The following ANO1 variants were observed in gnomAD, a reference collection of about 807,000 sequenced individuals.
ANO1 encodes the protein anoctamin 1, also known as anoctamin-1.
Under a neutral mutation model 124.0 loss-of-function variants are expected in ANO1, and 59 were observed. That is an observed-to-expected ratio of 0.48 (90% CI 0.39 to 0.59). ANO1 has a LOEUF of 0.59. Among genes scored for constraint, ANO1 ranks in the 20% least tolerant of loss-of-function variants. The pLI, the probability that ANO1 is intolerant of heterozygous loss-of-function variation, is 0.00. For synonymous variants in ANO1, 529 were observed against 532.0 expected, an observed-to-expected ratio of 0.99 and a Z score of 0.08; for missense variants, 1,059 against 1,328.0, an observed-to-expected ratio of 0.80 and a Z score of 3.15.
chr11:69,996,124 A>T (rs1358588807), intron 1 of ANO1, among the ~76,000 whole-genome samples: 1 of 147,402 alleles, frequency 6.8e-6, no homozygotes, highest in East Asian at 2.0e-4. Flanking sequence ...AAACCAACCA[A>T]CCAATAAAAA....
At chr11:70,162,138 G>A (rs1395093087) in intron 18 of ANO1, among the ~76,000 whole-genome samples, 4 of 149,350 alleles carry the variant, frequency 2.7e-5, no homozygotes, top group Non-Finnish European at 5.9e-5. Context: ...GGGCAGAGAG[G>A]ACCTCGGGCA....
chr11:70,148,137 C>T (rs932172076), intron 11 of ANO1, among the ~76,000 whole-genome samples: 2 of 152,168 alleles, frequency 1.3e-5, no homozygotes, highest in Non-Finnish European at 2.9e-5. Flanking sequence ...TCTTTCCTGC[C>T]ACACGCTGCC....
chr11:70,051,969 G>A (rs1857354828), intron 1 of ANO1, among the ~76,000 whole-genome samples: 1 of 152,216 alleles, frequency 6.6e-6, no homozygotes, highest in African/African-American at 2.4e-5. Context: ...TGCATCCTAA[G>A]GTCATGAAGG....
chr11:70,003,645 G>A (rs1856429334), intron 1 of ANO1, among the ~76,000 whole-genome samples: 2 of 151,462 alleles, frequency 1.3e-5, no homozygotes, highest in Non-Finnish European at 2.9e-5. Context: ...ATGGATGGAT[G>A]GATAAATGGG....
intron 1 of ANO1, among the ~76,000 whole-genome samples, chr11:69,995,560 T>C (rs539216707): frequency 3.5e-4 from 53 of 152,294 alleles, no homozygotes; most frequent in African/African-American, 1.3e-3. Flanking sequence ...ATTTTCCTTG[T>C]TTTCTGTTGA....
At position 70,029,669 on chromosome 11, in the gene ANO1, C is replaced by T. The variant is rs555895025; in HGVS notation, c.58+43503C>T. On this transcript the variant is annotated intron_variant, in intron 1 of 27. Coordinates refer to the ANO1 transcript ENST00000531349. ...TCCTGCAACGACTGTAACAAATTTC[C>T]ACAAACTGGTGGCTTAAGACAGCAG... Among the ~76,000 whole-genome samples the T allele has an allele frequency of 1.4e-4, 21 of 152,326 alleles. No individual in the cohort carries two copies. In the South Asian group the frequency reaches 4.3e-3, roughly 32 times the overall value.
intron 1 of ANO1, among the ~76,000 whole-genome samples, chr11:69,993,667 A>C (rs1274370707): frequency 6.6e-6 from 1 of 152,114 alleles, no homozygotes; most frequent in Non-Finnish European, 1.5e-5. Flanking sequence ...CTTCCAGCCC[A>C]CCACCTGGTG....
At chr11:70,103,191 A>G (rs1414899960) in intron 3 of ANO1, 27 bp downstream of exon 3, 4 of 1,579,476 alleles carry the variant, frequency 2.5e-6, no homozygotes, top group Non-Finnish European at 3.5e-6. Context: ...CTGCTCCGAA[A>G]TGAATCGCCA....
At chr11:70,107,648 A>C (rs2045611844) in intron 5 of ANO1, among the ~76,000 whole-genome samples, 1 of 152,214 alleles carries the variant, frequency 6.6e-6, no homozygotes, top group African/African-American at 2.4e-5. Context: ...GGAAAAACTG[A>C]GGCCGGGAGT....
intron 1 of ANO1, among the ~76,000 whole-genome samples, chr11:69,988,832 T>G (rs72931799): frequency 0.14 from 21,689 of 152,040 alleles, 1,638 homozygotes; most frequent in African/African-American, 0.17. Context: ...ACTCAGCTGG[T>G]ATATCCCCTT....
intron 1 of ANO1, among the ~76,000 whole-genome samples, chr11:70,010,241 T>C (rs922494489): frequency 8.1e-5 from 12 of 148,206 alleles, no homozygotes; most frequent in Non-Finnish European, 1.6e-4. Context: ...GCATTTAGGC[T>C]GGTTTCATAT....
At chr11:70,024,453 T>C (rs1271869539) in intron 1 of ANO1, among the ~76,000 whole-genome samples, 1 of 152,182 alleles carries the variant, frequency 6.6e-6, no homozygotes. Context: ...CTGCTTCCCC[T>C]GCAGAGAATA....
intron 1 of ANO1, among the ~76,000 whole-genome samples, chr11:70,052,425 C>A (rs1272011922): frequency 6.6e-6 from 1 of 151,528 alleles, no homozygotes; most frequent in Non-Finnish European, 1.5e-5. Context: ...TTGTCAACCT[C>A]TCTTACACAG....
the ANO1 span, among the ~76,000 whole-genome samples, chr11:69,973,085 T>C: frequency 6.6e-6 from 1 of 151,890 alleles, no homozygotes; most frequent in African/African-American, 2.4e-5. Flanking sequence ...AATTTTTGTA[T>C]TTTTAGTAGA....
intron 22 of ANO1, 56 bp from the exon 23 acceptor site, chr11:70,179,948 G>C: frequency 6.5e-7 from 1 of 1,530,040 alleles, no homozygotes; most frequent in Non-Finnish European, 9.1e-7. Flanking sequence ...CTGCCTGGTA[G>C]CTGGAATGAC....
the ANO1 span, among the ~76,000 whole-genome samples, chr11:69,973,824 A>T: frequency 6.6e-6 from 1 of 151,506 alleles, no homozygotes; most frequent in Admixed American, 6.6e-5. Flanking sequence ...GTGAGTCGAG[A>T]TCATGCCACT....
At chr11:70,182,437 CT>C in intron 23 of ANO1, 64 bp from the exon 24 acceptor site, 1 of 1,375,244 alleles carries the variant, frequency 7.3e-7, no homozygotes, top group Admixed American at 2.6e-5. Context: ...GGGTCACCCC[CT>C]GTTGCGGCCG....
intron 2 of ANO1, 98 bp downstream of exon 2, chr11:70,088,182 C>G: frequency 1.1e-6 from 1 of 889,470 alleles, no homozygotes; most frequent in Non-Finnish European, 1.6e-6. Context: ...GGGTGCGAGG[C>G]TGGTATCTTG....
chr11:70,029,389 T>C (rs1555003559), intron 1 of ANO1, among the ~76,000 whole-genome samples: 1 of 152,210 alleles, frequency 6.6e-6, no homozygotes, highest in African/African-American at 2.4e-5. Flanking sequence ...AAAAGCCCAC[T>C]CGGCTCATTT....
Sources: gnomAD v4.1 joint callset for allele counts (sites outside exome capture counted in the v4.1 genomes callset) on GRCh38, gnomAD v4.1.1 for gene constraint, MANE v1.5 for transcripts, NCBI Gene and HGNC (gene_info 2026-07-23, HGNC 2026-07-21) for gene names.